LARGE2: variants seen among roughly 807,000 people sequenced by gnomAD.
LARGE2 encodes the protein xylosyl- and glucuronyltransferase LARGE2.
In LARGE2, 63 loss-of-function variants were observed where a neutral mutation model predicts 75.3. The ratio of observed to expected loss-of-function variants is 0.84; its 90% confidence interval spans 0.68 to 1.03. The LOEUF (loss-of-function observed/expected upper bound fraction) is 1.03, where lower values mean the gene tolerates loss of function less well. Among genes scored for constraint, LARGE2 ranks in the 50% least tolerant of loss-of-function variants. The pLI is 0.00. For synonymous variants in LARGE2, 428 were observed against 420.1 expected, an observed-to-expected ratio of 1.02 and a Z score of -0.23; for missense variants, 925 against 980.6, an observed-to-expected ratio of 0.94 and a Z score of 0.76.
chr11:45,924,380 C>T, intron 4 of LARGE2, 103 bp downstream of exon 4: 1 of 1,568,758 alleles, frequency 6.4e-7, no homozygotes. Context: ...CCCCCCTCCA[C>T]CTACTGAAGC....
rs1189594814 is a variant in LARGE2 at position 45,923,035 on chromosome 11, G to A, written c.153G>A (p.Pro51=). 3 of 1,402,864 alleles carry A rather than the reference G, an allele frequency of 2.1e-6. No individual in the cohort carries two copies. The highest frequency in any genetic ancestry group is 3.1e-5 in the East Asian group (1 of 32,704). 86.9% of individuals were successfully genotyped at this position (1,402,864 alleles called of 1,614,324 possible). Residue 51 remains proline, a synonymous_variant, in exon 2 of 14, where the codon CCG becomes CCA. Coordinates refer to ENST00000401752, the MANE Select transcript of LARGE2 (RefSeq NM_001300721.2). ...GGGCCCCGGGATGCTTCCCCGGCCC[G>A]CTCATGCCACGTGTCCCCCCAGACG... ...RAGAPGCFPG[P]LMPRVPPDGR...
intron 3 of LARGE2, 28 bp from the exon 4 acceptor site, chr11:45,924,126 T>C: frequency 6.2e-7 from 1 of 1,602,608 alleles, no homozygotes; most frequent in Non-Finnish European, 8.5e-7. Flanking sequence ...CTGGGGCCTC[T>C]CAGGCTTCCT....
In LARGE2 at chr11:45,928,380, G is replaced by A; in HGVS notation, c.1950+8G>A. 6.2e-7 allele frequency: 1 copy of A among 1,611,392 alleles called. No individual in the cohort carries two copies. The highest frequency in any genetic ancestry group is 1.1e-5 in the South Asian group (1 of 91,008). On this transcript the variant is annotated splice_region_variant and intron_variant, in intron 13 of 13. Coordinates refer to ENST00000401752, the MANE Select transcript of LARGE2 (RefSeq NM_001300721.2). ...GTGGAGCTGGATGCCCAGGTGAGGA[G>A]GGCACCTTGCTGCCTCCACCTTTGA...
At chr11:45,922,180 G>C (rs1245826539), upstream of LARGE2, among the ~76,000 whole-genome samples, 5 of 152,110 alleles carry the variant, frequency 3.3e-5, no homozygotes, top group Admixed American at 2.0e-4. Flanking sequence ...GACTGAGAGT[G>C]GGGGAGTGAG....
At chr11:45,925,624 C>T (rs2087111754) in intron 6 of LARGE2, among the ~76,000 whole-genome samples, 1 of 151,976 alleles carries the variant, frequency 6.6e-6, no homozygotes, top group African/African-American at 2.4e-5. Context: ...CCACTGTACT[C>T]CAGCCTTGGC....
chr11:45,928,964 T>C lies in LARGE2; in HGVS notation c.*119T>C. ...CTGGGAAGGGCTGGGGCAGAGCATCTGTGGGGTGGGGTCTTCCCCTTGCTG... is the reference window on the plus strand; with the variant it reads ...CTGGGAAGGGCTGGGGCAGAGCATCCGTGGGGTGGGGTCTTCCCCTTGCTG... On this transcript the variant is annotated 3_prime_UTR_variant, in exon 14 of 14. Coordinates refer to ENST00000401752, the MANE Select transcript of LARGE2 (RefSeq NM_001300721.2). 1.5e-6 allele frequency: 2 copies of C among 1,355,920 alleles called. No individual in the cohort carries two copies. The highest frequency in any genetic ancestry group is 2.0e-6 in the Non-Finnish European group (2 of 994,042). 84.0% of individuals were successfully genotyped at this position (1,355,920 alleles called of 1,614,324 possible).
chr11:45,923,255 T>C, intron 2 of LARGE2, 88 bp downstream of exon 2: 2 of 1,297,146 alleles, frequency 1.5e-6, no homozygotes, highest in Non-Finnish European at 2.0e-6. Flanking sequence ...TCACAGTACC[T>C]GGCGTCTGTC....
At chr11:45,924,375 C>T (rs1386446013) in intron 4 of LARGE2, 98 bp downstream of exon 4, 2 of 1,572,558 alleles carry the variant, frequency 1.3e-6, no homozygotes, top group African/African-American at 1.4e-5. Context: ...TCAGTCCCCC[C>T]TCCACCTACT....
At chr11:45,922,763 C>T (rs2086965472) in intron 1 of LARGE2, 35 bp downstream of exon 1, 2 of 828,368 alleles carry the variant, frequency 2.4e-6, no homozygotes, top group Non-Finnish European at 3.2e-6. Flanking sequence ...CCGCACAACC[C>T]GGCCGTCGGG....
chr11:45,923,016 C>T lies in LARGE2; in HGVS notation c.134C>T (p.Pro45Leu). 3 of 1,367,172 alleles carry T rather than the reference C, an allele frequency of 2.2e-6. No individual in the cohort carries two copies. The highest frequency in any genetic ancestry group is 9.4e-7 in the Non-Finnish European group (1 of 1,063,864). 84.7% of individuals were successfully genotyped at this position (1,367,172 alleles called of 1,614,324 possible). Residue 45 changes from proline to leucine, a missense_variant, in exon 2 of 14, where the codon CCG becomes CTG. Pro to Leu is a moderately conservative substitution (Grantham distance 98). Around this residue, in one of 3 missense-constraint regions of LARGE2, gnomAD observed 453 missense variants for 460.2 expected, o/e 0.98. Coordinates refer to ENST00000401752, the MANE Select transcript of LARGE2 (RefSeq NM_001300721.2). ...RREPGGRAGA[P>L]GCFPGPLMPR... ...GAGCCTGGCGGGCGAGCGGGGGCCCCGGGATGCTTCCCCGGCCCGCTCATG... is the reference window on the plus strand; with the variant it reads ...GAGCCTGGCGGGCGAGCGGGGGCCCTGGGATGCTTCCCCGGCCCGCTCATG...
At chr11:45,922,463 C>T (rs1012970902), upstream of LARGE2, among the ~76,000 whole-genome samples, 1 of 151,996 alleles carries the variant, frequency 6.6e-6, no homozygotes, top group African/African-American at 2.4e-5. Flanking sequence ...TGCTCCCGCT[C>T]CCCCAGCCCT....
rs374951888 is a variant in LARGE2, at chr11:45,927,440, G to A, written c.1451G>A (p.Arg484Gln). Residue 484 changes from arginine (R) to glutamine (Q), a missense_variant, in exon 11 of 14, where the codon CGG becomes CAG. By Grantham distance (43) the Arg-to-Gln change is conservative. This residue lies in a region of LARGE2 where 469 missense variants were observed against 503.8 expected (regional missense o/e 0.93). Transcript: ENST00000401752. ...FVEASPVLAA[R>Q]QDVAYHVVYR... ...GAGGCCTCACCAGTGCTTGCTGCCC[G>A]GCAGGACGTGGCCTACCATGTGGTG... The A allele has an allele frequency of 7.5e-5, 121 of 1,614,090 alleles. No individual in the cohort carries two copies. Among genetic ancestry groups the A allele is most frequent in the Middle Eastern group, 1.6e-4 (1 of 6,084 alleles).
Position 45,928,041 on chromosome 11 carries a change from C to A in LARGE2, c.1726C>A (p.Leu576Met), listed in dbSNP as rs1484774644. The A allele has an allele frequency of 6.2e-7, 1 of 1,613,848 alleles. No homozygotes were observed. Among genetic ancestry groups the A allele is most frequent in the African/African-American group, 1.3e-5 (1 of 74,920 alleles). ...TTCCAAGGTGGAGCTGTTGGCCTTG[C>A]TGGATGCGGGCACTCTCTACACCTT... ...PHSKVELLAL[L>M]DAGTLYTFRY... The change falls in exon 12 of 14, where the codon CTG becomes ATG. Residue 576 changes from leucine (L) to methionine (M), a missense_variant. Leu to Met is a conservative substitution (Grantham distance 15). This residue lies in a region of LARGE2 where 469 missense variants were observed against 503.8 expected (regional missense o/e 0.93). Coordinates refer to ENST00000401752, the MANE Select transcript of LARGE2 (RefSeq NM_001300721.2).
chr11:45,926,939 TC>T, intron 10 of LARGE2, 68 bp downstream of exon 10: 1 of 1,476,710 alleles, frequency 6.8e-7, no homozygotes, highest in Non-Finnish European at 9.1e-7. Flanking sequence ...GAGAGGAGGT[TC>T]CATCTGGCAG....
upstream of LARGE2, chr11:45,922,591 G>A: frequency 4.1e-6 from 1 of 245,146 alleles, no homozygotes; most frequent in Non-Finnish European, 7.8e-6. Flanking sequence ...GGGTCACCCC[G>A]CCCCTTCGCG....
At position 45,926,613 on chromosome 11, in the gene LARGE2, C is replaced by G; in HGVS notation, c.1164+16C>G. ...TGCTGAGCAGGTGAGAAGGAGTCACCTTCCCCTGCCCCTCTCTGCTTTGGT... is the reference window on the plus strand; with the variant it reads ...TGCTGAGCAGGTGAGAAGGAGTCACGTTCCCCTGCCCCTCTCTGCTTTGGT... On this transcript the variant is annotated intron_variant, in intron 9 of 13. Transcript: ENST00000401752. 6.2e-7 allele frequency: 1 copy of G among 1,613,934 alleles called. No individual in the cohort carries two copies. The highest frequency in any genetic ancestry group is 8.5e-7 in the Non-Finnish European group (1 of 1,179,942).
At position 45,926,078 on chromosome 11, in the gene LARGE2, G is replaced by T. The variant is rs1007678488; in HGVS notation, c.809G>T (p.Gly270Val). 3.2e-6 allele frequency: 5 copies of T among 1,560,542 alleles called. No homozygotes were observed. In the South Asian group the frequency reaches 4.7e-5, roughly 15 times the overall value. The stretch of plus-strand genomic sequence containing the variant: ...CGGCTGGACCGGCTCCGGCAGGCTG[G>T]CTGGGAGCAGATGTGGAGGCTGACA... ...LLRLDRLRQAGWEQMWRLTAR... is the reference protein window; with the variant it reads ...LLRLDRLRQAVWEQMWRLTAR... The change falls in exon 7 of 14, where the codon GGC becomes GTC. Residue 270 changes from glycine (G) to valine (V), a missense_variant. This residue lies in a region of LARGE2 where 453 missense variants were observed against 460.2 expected (regional missense o/e 0.98). Coordinates refer to ENST00000401752, the MANE Select transcript of LARGE2 (RefSeq NM_001300721.2).
rs1314970268 is a variant in LARGE2, at chr11:45,923,098, G to C, written c.216G>C (p.Pro72=). Reference sequence around the variant, plus strand: ...GAGCCGCCGCCCTCGACGGAGACCCGGGGGCCGGCCCCGGGGACCACAACC... The same window carrying C: ...GAGCCGCCGCCCTCGACGGAGACCCCGGGGCCGGCCCCGGGGACCACAACC... ...LRRAAALDGD[P]GAGPGDHNRS... The change falls in exon 2 of 14, where the codon CCG becomes CCC. Residue 72 remains proline, a synonymous_variant. Transcript: ENST00000401752. The C allele has an allele frequency of 7.1e-7, 1 of 1,399,258 alleles. No homozygotes were observed. The highest frequency in any genetic ancestry group is 1.5e-5 in the African/African-American group (1 of 66,302). 86.7% of individuals were successfully genotyped at this position (1,399,258 alleles called of 1,614,324 possible).
chr11:45,925,303 T>C (rs1295624988), intron 6 of LARGE2, among the ~76,000 whole-genome samples: 1 of 152,150 alleles, frequency 6.6e-6, no homozygotes, highest in Non-Finnish European at 1.5e-5. Flanking sequence ...GGAGAATCGC[T>C]TGAGCCCAGG....
Sources: gnomAD v4.1 joint callset for allele counts (sites outside exome capture counted in the v4.1 genomes callset) on GRCh38, gnomAD v4.1.1 for gene constraint, gnomAD v4.1.1 regional missense constraint, MANE v1.5 for transcripts, NCBI Gene and HGNC (gene_info 2026-07-23, HGNC 2026-07-21) for gene names.